COL19A1: variants seen among roughly 807,000 people sequenced by gnomAD.
The protein encoded by COL19A1 is collagen alpha-1(XIX) chain.
COL19A1 carries 159 observed loss-of-function variants against 190.2 expected under a neutral mutation model. The ratio of observed to expected loss-of-function variants is 0.84; its 90% CI spans 0.73 to 0.95. The LOEUF (loss-of-function observed/expected upper bound fraction) is 0.95, where lower values mean the gene tolerates loss of function less well. COL19A1 is among the 40% of genes least tolerant of loss of function. The probability of loss-of-function intolerance (pLI) is 0.00; values close to 1 mark genes in which losing one functional copy is unlikely to be tolerated. For synonymous variants in COL19A1, 509 were observed against 458.9 expected, an observed-to-expected ratio of 1.11 and a Z score of -1.39; for missense variants, 1,418 against 1,431.9, an observed-to-expected ratio of 0.99 and a Z score of 0.16.
At chr6:69,917,794 A>G (rs1397351153) in intron 4 of COL19A1, among the ~76,000 whole-genome samples, 2 of 152,158 alleles carry the variant, frequency 1.3e-5, no homozygotes, top group Non-Finnish European at 1.5e-5. Context: ...CCACACATGA[A>G]ATATACTAAC....
intron 19 of COL19A1, among the ~76,000 whole-genome samples, chr6:70,138,681 A>G (rs146488796): frequency 9.1e-4 from 138 of 152,262 alleles, no homozygotes; most frequent in African/African-American, 3.2e-3. Context: ...CCTATGCTTC[A>G]GCTTTAAAAA....
At chr6:69,917,874 C>T (rs1040004440) in intron 4 of COL19A1, among the ~76,000 whole-genome samples, 8 of 152,062 alleles carry the variant, frequency 5.3e-5, no homozygotes, top group African/African-American at 1.9e-4. Flanking sequence ...AAGTTTACAA[C>T]TTTGTGTTTG....
At chr6:70,153,374 A>G (rs1787201534) in intron 31 of COL19A1, among the ~76,000 whole-genome samples, 1 of 152,192 alleles carries the variant, frequency 6.6e-6, no homozygotes, top group South Asian at 2.1e-4. Context: ...TTCTAGATTA[A>G]TCAGCATATC....
In COL19A1 at chr6:69,966,392, T is replaced by A. The variant is rs537954459; in HGVS notation, c.1026+3522T>A. Among the ~76,000 whole-genome samples the A allele has an allele frequency of 7.9e-5, 12 of 152,302 alleles. No individual in the cohort carries two copies. The South Asian group carries it at 2.1e-3, about 26-fold the overall frequency. On this transcript the variant is annotated intron_variant, in intron 11 of 50. Transcript: ENST00000620364. ...GTTGCTGTGTCTGTGTAGAAAGAAG[T>A]AGACATAGGAGACTCCATTTTGTTC...
intron 11 of COL19A1, among the ~76,000 whole-genome samples, chr6:69,978,513 A>G (rs1209109470): frequency 6.6e-6 from 1 of 152,022 alleles, no homozygotes; most frequent in Non-Finnish European, 1.5e-5. Context: ...CAAAGAGTTA[A>G]TGAAAAGGAA....
intron 11 of COL19A1, among the ~76,000 whole-genome samples, chr6:70,017,619 A>G (rs1778189886): frequency 6.6e-6 from 1 of 152,160 alleles, no homozygotes; most frequent in Non-Finnish European, 1.5e-5. Flanking sequence ...GTTTGTTGAA[A>G]GGGAAAACAT....
At chr6:70,115,825 GT>G (rs57814985) in intron 16 of COL19A1, among the ~76,000 whole-genome samples, 9,058 of 116,808 alleles carry the variant, frequency 0.078, 162 homozygotes, top group African/African-American at 0.099. Flanking sequence ...TTGGTGTTTT[GT>G]TTTTTTTTTT....
chr6:70,149,822 T>C (rs374367040), intron 28 of COL19A1, 29 bp from the exon 29 acceptor site: 3 of 1,613,592 alleles, frequency 1.9e-6, no homozygotes, highest in African/African-American at 1.3e-5. Flanking sequence ...TCCTCATAAG[T>C]AACTGTTTTT....
chr6:70,075,692 C>T (rs1404857388), intron 15 of COL19A1, among the ~76,000 whole-genome samples: 1 of 151,844 alleles, frequency 6.6e-6, no homozygotes, highest in Admixed American at 6.6e-5. Flanking sequence ...GCCTGTGTCT[C>T]CTTGTGGTAA....
intron 11 of COL19A1, among the ~76,000 whole-genome samples, chr6:69,969,975 G>C (rs995187406): frequency 2.4e-4 from 37 of 152,112 alleles, no homozygotes; most frequent in African/African-American, 8.5e-4. Context: ...TCCTTGCTCA[G>C]AACTAGCTTG....
rs927647758 is a variant in COL19A1 at position 70,149,557 on chromosome 6, G to A, written c.1894-147G>A. On this transcript the variant is annotated intron_variant, in intron 27 of 50. Transcript: ENST00000620364. Reference sequence around the variant, plus strand: ...TATTCACCTACGACCTGAAAGTCTTGGCCGACTTTGCAGTTTTCCACGTGT... The same window carrying A: ...TATTCACCTACGACCTGAAAGTCTTAGCCGACTTTGCAGTTTTCCACGTGT... The A allele has an allele frequency of 3.5e-6, 3 of 852,716 alleles. No homozygotes were observed. In the African/African-American group the frequency reaches 5.2e-5, roughly 15 times the overall value. 52.8% of individuals were successfully genotyped at this position (852,716 alleles called of 1,614,324 possible).
chr6:69,883,617 T>C (rs578216253), intron 2 of COL19A1, among the ~76,000 whole-genome samples: 1 of 152,248 alleles, frequency 6.6e-6, no homozygotes, highest in African/African-American at 2.4e-5. Flanking sequence ...AGCAAACTGG[T>C]GTATAAGTAA....
chr6:70,047,326 C>T (rs963085169), intron 14 of COL19A1, among the ~76,000 whole-genome samples: 4 of 152,038 alleles, frequency 2.6e-5, no homozygotes, highest in African/African-American at 4.8e-5. Flanking sequence ...GGCAGATATA[C>T]GTGAGCTAAA....
At chr6:70,074,548 A>G (rs1180537386) in intron 15 of COL19A1, among the ~76,000 whole-genome samples, 1 of 151,476 alleles carries the variant, frequency 6.6e-6, no homozygotes, top group Non-Finnish European at 1.5e-5. Flanking sequence ...TCTTACTTTA[A>G]GATAGCTTAT....
intron 1 of COL19A1, among the ~76,000 whole-genome samples, chr6:69,867,960 T>C (rs979194644): frequency 1.3e-5 from 2 of 151,856 alleles, no homozygotes; most frequent in African/African-American, 4.8e-5. Context: ...CCTCCCTCAA[T>C]CCCCAATTCC....
At chr6:70,107,350 T>A (rs575691672) in intron 16 of COL19A1, among the ~76,000 whole-genome samples, 1 of 152,254 alleles carries the variant, frequency 6.6e-6, no homozygotes, top group South Asian at 2.1e-4. Flanking sequence ...AACTTAGTCC[T>A]TCTCCTCACT....
chr6:70,073,828 G>T (rs1398569398), intron 15 of COL19A1, among the ~76,000 whole-genome samples: 1 of 152,156 alleles, frequency 6.6e-6, no homozygotes, highest in Non-Finnish European at 1.5e-5. Context: ...AACAAATTGT[G>T]CTGATCATGT....
At chr6:69,894,178 T>A (rs1026055069) in intron 2 of COL19A1, among the ~76,000 whole-genome samples, 1 of 152,232 alleles carries the variant, frequency 6.6e-6, no homozygotes, top group South Asian at 2.1e-4. Context: ...TTTTATGGAA[T>A]TTGACTCTTT....
intron 14 of COL19A1, among the ~76,000 whole-genome samples, chr6:70,043,955 C>T (rs1190664366): frequency 1.3e-5 from 2 of 152,238 alleles, no homozygotes; most frequent in African/African-American, 4.8e-5. Context: ...GGCATCTTAA[C>T]TGCTTTGTTG....
Sources: allele counts gnomAD v4.1 joint callset (sites outside exome capture counted in the v4.1 genomes callset), GRCh38; gene constraint gnomAD v4.1.1; transcripts MANE v1.5; gene names NCBI Gene and HGNC (gene_info 2026-07-23, HGNC 2026-07-21).